The following PTPRU variants were observed in gnomAD, a reference collection of about 807,000 sequenced individuals.
The protein encoded by PTPRU is receptor-type tyrosine-protein phosphatase U.
Under a neutral mutation model 166.3 loss-of-function variants are expected in PTPRU, and 69 were observed. The ratio of observed to expected loss-of-function variants is 0.41; its 90% CI spans 0.34 to 0.51. The LOEUF (loss-of-function observed/expected upper bound fraction) is 0.51. Among genes scored for constraint, PTPRU ranks in the 20% least tolerant of loss-of-function variants. PTPRU has a pLI of 0.09. For synonymous variants in PTPRU, 793 were observed against 814.0 expected (o/e 0.97, Z 0.44); for missense variants, 1,657 against 2,013.7 (o/e 0.82, Z 3.39).
intron 8 of PTPRU, among the ~76,000 whole-genome samples, chr1:29,278,585 C>T (rs1038796158): frequency 5.3e-5 from 8 of 152,270 alleles, no homozygotes; most frequent in East Asian, 3.9e-4. Flanking sequence ...AATTTTTAGA[C>T]GAGAAAATAT....
chr1:29,305,065 A>G (rs1451333253), intron 17 of PTPRU, among the ~76,000 whole-genome samples: 2 of 152,232 alleles, frequency 1.3e-5, no homozygotes, highest in East Asian at 3.8e-4. Flanking sequence ...TGTTTTACAA[A>G]TAAGGAAACT....
intron 7 of PTPRU, among the ~76,000 whole-genome samples, chr1:29,265,202 T>C (rs1685247377): frequency 6.6e-6 from 1 of 152,242 alleles, no homozygotes; most frequent in Admixed American, 6.5e-5. Context: ...TGTTTTATAC[T>C]CTCACCAACA....
intron 7 of PTPRU, among the ~76,000 whole-genome samples, chr1:29,268,954 A>G (rs971118308): frequency 5.3e-5 from 8 of 151,846 alleles, no homozygotes; most frequent in African/African-American, 1.9e-4. Flanking sequence ...AGCCACTTGT[A>G]CAAATCTACA....
intron 1 of PTPRU, among the ~76,000 whole-genome samples, chr1:29,248,732 G>A (rs909711085): frequency 1.3e-5 from 2 of 152,046 alleles, no homozygotes; most frequent in African/African-American, 2.4e-5. Context: ...ACACATACAC[G>A]TATGCACAAC....
At position 29,287,695 on chromosome 1, in the gene PTPRU, C is replaced by T. The variant is rs371797246; in HGVS notation, c.2318+2826C>T. On this transcript the variant is annotated intron_variant, in intron 14 of 29. Coordinates refer to ENST00000373779, the MANE Select transcript of PTPRU (RefSeq NM_133178.4). ...CTGCAAGCTCTGCCTCCCAGGTTCA[C>T]GCCATTCTCCTGCCTCAGCCTTCCA... Among the ~76,000 whole-genome samples the T allele has an allele frequency of 4.6e-5, 7 of 151,398 alleles. No individual in the cohort carries two copies. In the South Asian group the frequency reaches 1.3e-3, roughly 27 times the overall value.
intron 1 of PTPRU, among the ~76,000 whole-genome samples, chr1:29,243,967 G>C (rs2151939010): frequency 6.6e-6 from 1 of 152,290 alleles, no homozygotes; most frequent in South Asian, 2.1e-4. Flanking sequence ...GCTGCTTCCA[G>C]ATGACGCAGG....
chr1:29,301,789 T>C (rs1056076042), intron 15 of PTPRU, among the ~76,000 whole-genome samples: 1 of 152,192 alleles, frequency 6.6e-6, no homozygotes, highest in African/African-American at 2.4e-5. Flanking sequence ...TGTGTCCAAG[T>C]GTTCTCATTG....
rs182606055 is a variant in PTPRU at position 29,312,717 on chromosome 1, C to A, written c.3227+11C>A. On this transcript the variant is annotated intron_variant, in intron 22 of 29. Coordinates refer to ENST00000373779, the MANE Select transcript of PTPRU (RefSeq NM_133178.4). The stretch of plus-strand genomic sequence containing the variant: ...TGTCATCCACTGCAGGTGGGGGCAC[C>A]GGGAATCCCAAGGAGAAAAGGGGCC... 100 of 1,594,504 alleles carry A rather than the reference C, an allele frequency of 6.3e-5. No individual in the cohort carries two copies. In the Middle Eastern group the frequency reaches 1.3e-3, roughly 21 times the overall value.
Position 29,245,140 on chromosome 1 carries a change from T to G in PTPRU, c.73+8423T>G, listed in dbSNP as rs542746014. On this transcript the variant is annotated intron_variant, in intron 1 of 29. Coordinates refer to ENST00000373779, the MANE Select transcript of PTPRU (RefSeq NM_133178.4). ...GGGCTGGGGGCCAGGGGCTGTACTTTAATTGTCTGAGAGCTTTACCAGCAG... is the reference window on the plus strand; with the variant it reads ...GGGCTGGGGGCCAGGGGCTGTACTTGAATTGTCTGAGAGCTTTACCAGCAG... Among the ~76,000 whole-genome samples, 26 of 152,324 alleles carry G rather than the reference T, an allele frequency of 1.7e-4. 1 individual carries two copies. In the South Asian group the frequency reaches 5.4e-3, roughly 32 times the overall value.
At chr1:29,252,097 A>T (rs558803876) in intron 1 of PTPRU, among the ~76,000 whole-genome samples, 1 of 152,254 alleles carries the variant, frequency 6.6e-6, no homozygotes, top group Admixed American at 6.5e-5. Context: ...AGAGCCAAAG[A>T]GCTCAGCCAA....
chr1:29,301,335 G>A (rs556830833), intron 15 of PTPRU, among the ~76,000 whole-genome samples: 3 of 152,278 alleles, frequency 2.0e-5, no homozygotes, highest in East Asian at 1.9e-4. Context: ...TAATGTCATC[G>A]TGCAATGCAT....
In PTPRU at chr1:29,320,869, G is replaced by A; in HGVS notation, c.3828+44G>A. 6.7e-7 allele frequency: 1 copy of A among 1,497,776 alleles called. No individual in the cohort carries two copies. The highest frequency in any genetic ancestry group is 9.0e-7 in the Non-Finnish European group (1 of 1,115,284). 92.8% of individuals were successfully genotyped at this position (1,497,776 alleles called of 1,614,324 possible). On this transcript the variant is annotated intron_variant, in intron 26 of 29. Transcript: ENST00000373779. The surrounding 1 kb of genome is among the most constrained non-coding windows in gnomAD (Gnocchi z 5.2). The stretch of plus-strand genomic sequence containing the variant: ...AGGCCAATGGGCCGCCTGCTCCCAG[G>A]TCCTCTGTGTATTCAGGGCCATGGT...
chr1:29,252,713 T>G (rs1461150214), intron 1 of PTPRU, among the ~76,000 whole-genome samples: 1 of 152,134 alleles, frequency 6.6e-6, no homozygotes, highest in Non-Finnish European at 1.5e-5. Context: ...GACATAGCAC[T>G]CACTCCCCAG....
intron 15 of PTPRU, among the ~76,000 whole-genome samples, chr1:29,299,543 G>C (rs1285160139): frequency 6.6e-6 from 1 of 152,186 alleles, no homozygotes; most frequent in East Asian, 1.9e-4. Flanking sequence ...AGGCTCAGCT[G>C]TCAGCTGCCC....
Position 29,260,048 on chromosome 1 carries a change from A to G in PTPRU, c.850+4A>G, listed in dbSNP as rs761123267. The G allele has an allele frequency of 2.2e-6, 3 of 1,392,248 alleles. No individual in the cohort carries two copies. Among genetic ancestry groups the G allele is most frequent in the East Asian group, 5.9e-5 (2 of 34,136 alleles). The allele number at this position is 1,392,248 out of a possible 1,614,324, so 86.2% of individuals were successfully genotyped here. The stretch of plus-strand genomic sequence containing the variant: ...TTCGCGGAGCTCATCGTCAAGGGTC[A>G]GCTGGTGGACGCCGGGGAGCGCCGG... On this transcript the variant is annotated splice_donor_region_variant and intron_variant, in intron 6 of 29. Coordinates refer to ENST00000373779, the MANE Select transcript of PTPRU (RefSeq NM_133178.4). This position sits in a 1 kb window ranked among gnomAD's most constrained non-coding sequence, Gnocchi z 8.3.
At position 29,311,889 on chromosome 1, in the gene PTPRU, C is replaced by G. The variant is rs1308649649; in HGVS notation, c.3072+130C>G. On this transcript the variant is annotated intron_variant, in intron 21 of 29. Transcript: ENST00000373779. This position sits in a 1 kb window ranked among gnomAD's most constrained non-coding sequence, Gnocchi z 4.1. ...ACTGCCCATCCCAGCAAGGAAGCTA[C>G]TTGGTCACTGTTGGCTGGGAGCACT... The G allele has an allele frequency of 1.1e-6, 1 of 934,406 alleles. No homozygotes were observed. Among genetic ancestry groups the G allele is most frequent in the Middle Eastern group, 2.6e-4 (1 of 3,844 alleles). The allele number at this position is 934,406 out of a possible 1,614,324, so 57.9% of individuals were successfully genotyped here.
intron 7 of PTPRU, among the ~76,000 whole-genome samples, chr1:29,273,431 G>T (rs1685660503): frequency 6.6e-6 from 1 of 152,114 alleles, no homozygotes; most frequent in African/African-American, 2.4e-5. Context: ...ACCATGCCCG[G>T]CTTATTTTTG....
chr1:29,293,597 C>T (rs1307735022), intron 15 of PTPRU, among the ~76,000 whole-genome samples: 2 of 151,834 alleles, frequency 1.3e-5, no homozygotes, highest in African/African-American at 2.4e-5. Flanking sequence ...GCCTCAGTCT[C>T]CCTAGTAGCT....
intron 7 of PTPRU, among the ~76,000 whole-genome samples, chr1:29,262,181 C>T (rs1685096852): frequency 6.6e-6 from 1 of 152,220 alleles, no homozygotes; most frequent in African/African-American, 2.4e-5. Flanking sequence ...CCCTTTCTTC[C>T]TCTACTCCCC....
Sources: allele counts gnomAD v4.1 joint callset (sites outside exome capture counted in the v4.1 genomes callset), GRCh38; gene constraint gnomAD v4.1.1; non-coding constraint Gnocchi (gnomAD v3.1); transcripts MANE v1.5; gene names NCBI Gene and HGNC (gene_info 2026-07-23, HGNC 2026-07-21).